The following GAS7 variants were observed in gnomAD, a reference collection of about 807,000 sequenced individuals.
The protein encoded by GAS7 is growth arrest-specific protein 7.
Under a neutral mutation model 71.1 loss-of-function variants are expected in GAS7, and 28 were observed. That is an observed-to-expected ratio of 0.39 (90% CI 0.29 to 0.54). The LOEUF (loss-of-function observed/expected upper bound fraction) is 0.54. GAS7 is among the 20% of genes least tolerant of loss of function. GAS7 has a pLI of 0.62. For synonymous variants in GAS7, 258 were observed against 245.8 expected (o/e 1.05, Z -0.46); for missense variants, 436 against 627.8 (o/e 0.69, Z 3.27).
chr17:9,998,733 C>T (rs1420981016), intron 2 of GAS7, among the ~76,000 whole-genome samples: 1 of 133,334 alleles, frequency 7.5e-6, no homozygotes, highest in African/African-American at 3.5e-5. Flanking sequence ...GAAGTAGCAT[C>T]AGACATCACC....
Position 10,005,238 on chromosome 17 carries a change from C to T in GAS7, c.304+14539G>A, listed in dbSNP as rs147393813. On this transcript the variant is annotated intron_variant, in intron 2 of 13. Transcript: ENST00000432992. ...GCGCGTGTGCATGTATGTGTATGTG[C>T]GCGCATGCATGTGTGTGCACACATA... 8.3e-4 allele frequency among the ~76,000 whole-genome samples: 114 copies of T among 137,204 alleles called. 1 individual carries two copies. The highest frequency in any genetic ancestry group is 1.1e-3 in the Non-Finnish European group (76 of 66,746). 90.0% of individuals were successfully genotyped at this position (137,204 alleles called of 152,430 possible).
At chr17:10,152,311 G>A (rs565479602) in intron 1 of GAS7, among the ~76,000 whole-genome samples, 1 of 152,294 alleles carries the variant, frequency 6.6e-6, no homozygotes, top group African/African-American at 2.4e-5. Flanking sequence ...ACTTTAGTCA[G>A]CAATCGACTC....
intron 5 of GAS7, among the ~76,000 whole-genome samples, chr17:9,948,734 A>G (rs2068887392): frequency 1.3e-5 from 2 of 151,416 alleles, no homozygotes; most frequent in Non-Finnish European, 2.9e-5. Flanking sequence ...CTAGCTAAGG[A>G]GCGTGAAGTA....
At chr17:10,066,152 G>T (rs2073278574) in intron 1 of GAS7, among the ~76,000 whole-genome samples, 1 of 152,214 alleles carries the variant, frequency 6.6e-6, no homozygotes, top group Non-Finnish European at 1.5e-5. Context: ...ATGGGAGGGA[G>T]AGGAAAGTAG....
chr17:10,182,317 G>A (rs1049897571), intron 1 of GAS7, among the ~76,000 whole-genome samples: 4 of 151,960 alleles, frequency 2.6e-5, no homozygotes, highest in African/African-American at 4.8e-5. Context: ...CCACCACCAC[G>A]CTCGGCTAAT....
chr17:10,141,902 T>A (rs2074084016), intron 1 of GAS7, among the ~76,000 whole-genome samples: 1 of 152,212 alleles, frequency 6.6e-6, no homozygotes, highest in Non-Finnish European at 1.5e-5. Context: ...CAGTAGGCAC[T>A]GCCTAAAAAG....
At chr17:10,051,092 G>A (rs2073055807) in intron 1 of GAS7, among the ~76,000 whole-genome samples, 1 of 152,102 alleles carries the variant, frequency 6.6e-6, no homozygotes, top group Non-Finnish European at 1.5e-5. Flanking sequence ...ATATAACCCT[G>A]GCCAAGGCAC....
chr17:10,082,827 T>C (rs1408347667), intron 1 of GAS7, among the ~76,000 whole-genome samples: 7 of 152,222 alleles, frequency 4.6e-5, no homozygotes. Flanking sequence ...GGTGAACCAT[T>C]GGTACAACAA....
intron 1 of GAS7, among the ~76,000 whole-genome samples, chr17:10,050,407 A>C (rs532526381): frequency 1.3e-5 from 2 of 152,350 alleles, no homozygotes; most frequent in African/African-American, 2.4e-5. Flanking sequence ...ATCATTTTAC[A>C]GATGGACAAA....
chr17:9,934,318 C>T (rs1396186670), intron 8 of GAS7, 74 bp from the exon 9 acceptor site: 29 of 1,021,926 alleles, frequency 2.8e-5, no homozygotes, highest in Non-Finnish European at 2.4e-5. Flanking sequence ...GGGCTCCACC[C>T]CAGGTCTCGG....
Position 10,059,654 on chromosome 17 carries a change from C to T in GAS7, c.184-39757G>A, listed in dbSNP as rs913545584. On this transcript the variant is annotated intron_variant, in intron 1 of 13. Coordinates refer to ENST00000432992, the MANE Select transcript of GAS7 (RefSeq NM_201433.2). ...TGGTCCAATTAGCTTCGAGCATCTG[C>T]ATCAAAGATAACCAGCAGAGCCCTG... 4.1e-6 allele frequency: 4 copies of T among 980,200 alleles called. No homozygotes were observed. In the African/African-American group the frequency reaches 7.0e-5, roughly 17 times the overall value. The allele number at this position is 980,200 out of a possible 1,614,324, so 60.7% of individuals were successfully genotyped here.
intron 2 of GAS7, among the ~76,000 whole-genome samples, chr17:10,017,453 C>A (rs578181122): frequency 6.6e-6 from 1 of 152,024 alleles, no homozygotes; most frequent in South Asian, 2.1e-4. Context: ...CTCAGCCTCC[C>A]GGGTAGCTGG....
At chr17:10,133,866 T>C (rs553818916) in intron 1 of GAS7, among the ~76,000 whole-genome samples, 11 of 152,300 alleles carry the variant, frequency 7.2e-5, no homozygotes. Context: ...TTGTCACAAA[T>C]GATAGGATTT....
At chr17:10,011,105 G>A (rs1157350668) in intron 2 of GAS7, among the ~76,000 whole-genome samples, 1 of 152,212 alleles carries the variant, frequency 6.6e-6, no homozygotes, top group Non-Finnish European at 1.5e-5. Context: ...GAAAGATCAA[G>A]TTATCAAGGT....
At chr17:9,929,724 G>T (rs920747913) in intron 9 of GAS7, among the ~76,000 whole-genome samples, 1 of 152,032 alleles carries the variant, frequency 6.6e-6, no homozygotes, top group African/African-American at 2.4e-5. Context: ...TGATCCGCCC[G>T]CCTCGGCCTC....
chr17:10,091,949 T>C (rs1246056950), intron 1 of GAS7, among the ~76,000 whole-genome samples: 1 of 142,352 alleles, frequency 7.0e-6, no homozygotes, highest in Non-Finnish European at 1.5e-5. Flanking sequence ...TTTTGTGTCA[T>C]AAAATTTTGT....
chr17:10,166,011 CTTTTTTT>C (rs11356429), intron 1 of GAS7, among the ~76,000 whole-genome samples: 10 of 143,170 alleles, frequency 7.0e-5, no homozygotes, highest in Non-Finnish European at 1.4e-4. Context: ...TTTTCTTTTT[CTTTTTTT>C]TTTTTTTCTT....
At chr17:10,104,330 T>C (rs1408153617) in intron 1 of GAS7, among the ~76,000 whole-genome samples, 1 of 152,194 alleles carries the variant, frequency 6.6e-6, no homozygotes, top group Non-Finnish European at 1.5e-5. Context: ...TGACATCTCA[T>C]GGGTTTTCTC....
chr17:10,017,886 A>G (rs141103829), intron 2 of GAS7, among the ~76,000 whole-genome samples: 148 of 152,314 alleles, frequency 9.7e-4, no homozygotes, highest in Middle Eastern at 3.4e-3. Flanking sequence ...ACAATATCTC[A>G]GGACCCATAA....
Sources: gnomAD v4.1 joint callset for allele counts (sites outside exome capture counted in the v4.1 genomes callset) on GRCh38, gnomAD v4.1.1 for gene constraint, MANE v1.5 for transcripts, NCBI Gene and HGNC (gene_info 2026-07-23, HGNC 2026-07-21) for gene names.